The following CAPS2 variants were observed in gnomAD, a reference collection of about 807,000 sequenced individuals.
The protein encoded by CAPS2 is calcyphosin-2.
A neutral mutation model predicts 86.5 loss-of-function variants in CAPS2; 98 were observed. The observed-to-expected ratio is 1.13, with a 90% CI of 0.96 to 1.34. The LOEUF (loss-of-function observed/expected upper bound fraction) is 1.34. Ranked by LOEUF, CAPS2 falls within the 40% of genes most tolerant of loss-of-function variation. The pLI, the probability that CAPS2 is intolerant of heterozygous loss-of-function variation, is 0.00. For missense variants in CAPS2, 729 were observed against 686.8 expected (o/e 1.06, Z -0.69); for synonymous variants, 210 against 225.1 (o/e 0.93, Z 0.60).
Position 75,354,465 on chromosome 12 carries a change from C to T in CAPS2, c.-394-31243G>A, listed in dbSNP as rs2043019497. Among the ~76,000 whole-genome samples the T allele has an allele frequency of 2.0e-5, 3 of 152,070 alleles. No individual in the cohort carries two copies. In the South Asian group the frequency reaches 6.2e-4, roughly 32 times the overall value. On this transcript the variant is annotated intron_variant, in intron 1 of 5. Coordinates refer to the CAPS2 transcript ENST00000551829. ...CTTCAAGGAGAACTACAAACCACTG[C>T]TCAAGGAAATCAGAGAAGGCACAAA...
intron 1 of CAPS2, among the ~76,000 whole-genome samples, chr12:75,383,286 C>T (rs985469362): frequency 1.3e-5 from 2 of 152,060 alleles, no homozygotes; most frequent in Non-Finnish European, 2.9e-5. Flanking sequence ...CTACAGAAAC[C>T]AAATGAGATG....
chr12:75,316,590 C>A (rs2039788081), intron 5 of CAPS2, among the ~76,000 whole-genome samples, 156 bp from the exon 6 acceptor site: 1 of 152,124 alleles, frequency 6.6e-6, no homozygotes, highest in South Asian at 2.1e-4. Context: ...ATATTTGAAT[C>A]CAGCTCTTCC....
intron 7 of CAPS2, among the ~76,000 whole-genome samples, chr12:75,312,353 C>G (rs1271368088): frequency 6.6e-6 from 1 of 152,148 alleles, no homozygotes; most frequent in Non-Finnish European, 1.5e-5. Flanking sequence ...AGACAGCACA[C>G]TATACTCCTT....
At chr12:75,285,605 T>C (rs1178416134) in intron 14 of CAPS2, among the ~76,000 whole-genome samples, 2 of 151,984 alleles carry the variant, frequency 1.3e-5, no homozygotes, top group Non-Finnish European at 1.5e-5. Flanking sequence ...CCATTTTCCT[T>C]GTATACCACC....
intron 1 of CAPS2, among the ~76,000 whole-genome samples, chr12:75,367,836 T>C (rs77195671): frequency 2.6e-4 from 40 of 152,284 alleles, no homozygotes; most frequent in East Asian, 2.1e-3. Flanking sequence ...CAGTGCAATG[T>C]TGAGCATAAG....
intron 1 of CAPS2, among the ~76,000 whole-genome samples, chr12:75,354,063 T>A (rs555352187): frequency 6.6e-6 from 1 of 150,478 alleles, no homozygotes; most frequent in East Asian, 2.0e-4. Flanking sequence ...GCTGGATGCA[T>A]TCCCCTTGAA....
rs1004635271 is a variant in CAPS2 at position 75,278,808 on chromosome 12, T to C, written c.*82A>G. 32 of 1,352,412 alleles carry C rather than the reference T, an allele frequency of 2.4e-5. No homozygotes were observed. In the African/African-American group the frequency reaches 3.4e-4, roughly 15 times the overall value. 83.8% of individuals were successfully genotyped at this position (1,352,412 alleles called of 1,614,324 possible). On this transcript the variant is annotated 3_prime_UTR_variant, in exon 17 of 17. Coordinates refer to ENST00000393284, the Ensembl canonical transcript of CAPS2. ...ATAAAGGAAGTCCTAGGAAAATATATTCCAGTGTTTGATCATCCTTTACAT... is the reference window on the plus strand; with the variant it reads ...ATAAAGGAAGTCCTAGGAAAATATACTCCAGTGTTTGATCATCCTTTACAT...
At chr12:75,313,951 G>C (rs993721039) in intron 6 of CAPS2, among the ~76,000 whole-genome samples, 1 of 152,072 alleles carries the variant, frequency 6.6e-6, no homozygotes, top group African/African-American at 2.4e-5. Context: ...ACAGGCTCTT[G>C]CTATGTTGCC....
chr12:75,305,009 A>C lies in CAPS2; in HGVS notation c.660-133T>G, dbSNP rs1593394026. 8.6e-6 allele frequency: 5 copies of C among 581,158 alleles called. No homozygotes were observed. In the East Asian group the frequency reaches 1.8e-4, roughly 21 times the overall value. 36.0% of individuals were successfully genotyped at this position (581,158 alleles called of 1,614,324 possible). On this transcript the variant is annotated intron_variant, in intron 7 of 16. Coordinates refer to ENST00000393284, the Ensembl canonical transcript of CAPS2. The stretch of plus-strand genomic sequence containing the variant: ...CAACACTGTCAGAATATTTTTATTA[A>C]ATAAATTTATTAAAAAATATTTTCC...
At chr12:75,293,838 C>T (rs921358548) in intron 11 of CAPS2, among the ~76,000 whole-genome samples, 4 of 152,184 alleles carry the variant, frequency 2.6e-5, no homozygotes, top group East Asian at 3.8e-4. Flanking sequence ...CACAAAATTC[C>T]TATCAAAAAA....
intron 1 of CAPS2, among the ~76,000 whole-genome samples, chr12:75,348,919 C>T (rs1234176760): frequency 6.6e-6 from 1 of 152,144 alleles, no homozygotes. Context: ...CCCCCAGCTT[C>T]CTGTCTCAGT....
At chr12:75,336,257 A>G (rs2041731575) in intron 1 of CAPS2, among the ~76,000 whole-genome samples, 1 of 151,904 alleles carries the variant, frequency 6.6e-6, no homozygotes, top group Non-Finnish European at 1.5e-5. Context: ...AAAGTCCTTG[A>G]TTAATTTTTG....
chr12:75,384,184 A>G (rs778965532), intron 1 of CAPS2, among the ~76,000 whole-genome samples: 31 of 152,314 alleles, frequency 2.0e-4, no homozygotes, highest in Non-Finnish European at 3.7e-4. Flanking sequence ...AATAAAATTG[A>G]AAACAAAATT....
chr12:75,362,336 A>G (rs1254696175), intron 1 of CAPS2, among the ~76,000 whole-genome samples: 2 of 152,320 alleles, frequency 1.3e-5, no homozygotes, highest in Non-Finnish European at 2.9e-5. Flanking sequence ...TAGAATGGCT[A>G]GAGAGTGACC....
intron 1 of CAPS2, among the ~76,000 whole-genome samples, chr12:75,348,381 G>A (rs1038178817): frequency 3.3e-5 from 5 of 152,174 alleles, no homozygotes; most frequent in African/African-American, 1.2e-4. Context: ...AAGTACTAGA[G>A]AGAGGCAGAA....
At chr12:75,371,998 T>C (rs1016422948) in intron 1 of CAPS2, among the ~76,000 whole-genome samples, 1 of 152,130 alleles carries the variant, frequency 6.6e-6, no homozygotes, top group Non-Finnish European at 1.5e-5. Flanking sequence ...AGTAGGTTGA[T>C]TTCATCTTTT....
At position 75,322,942 on chromosome 12, in the gene CAPS2, T is replaced by A. The variant is rs1010903499; in HGVS notation, c.291+32A>T. The A allele has an allele frequency of 4.2e-6, 5 of 1,187,680 alleles. No homozygotes were observed. The African/African-American group carries it at 7.6e-5, about 18-fold the overall frequency. 73.6% of individuals were successfully genotyped at this position (1,187,680 alleles called of 1,614,324 possible). ...ACATAATAAATATTTTAGAATAAAA[T>A]TCTGAAAATTGATAAGCAAATAAAT... On this transcript the variant is annotated intron_variant, in intron 4 of 16. Coordinates refer to ENST00000393284, the Ensembl canonical transcript of CAPS2.
At chr12:75,285,625 A>ATG (rs2034742389) in intron 14 of CAPS2, among the ~76,000 whole-genome samples, 1 of 151,816 alleles carries the variant, frequency 6.6e-6, no homozygotes, top group Non-Finnish European at 1.5e-5. Context: ...CCCTCTCCCC[A>ATG]TGCTCTGGTA....
rs35309353 is a variant in CAPS2, at chr12:75,379,853, TAAAAAAAAA to T, written c.-395+10976_-395+10984del. ...TATTATTATGATGCATCCCTATCAG[TAAAAAAAAA>T]AAAAAAAAAAAAAAATTGTAGAGTG... On this transcript the variant is annotated intron_variant, in intron 1 of 5. Transcript: ENST00000551829. Among the ~76,000 whole-genome samples, 27 of 111,922 alleles carry T rather than the reference TAAAAAAAAA, an allele frequency of 2.4e-4. No homozygotes were observed. The South Asian group carries it at 3.6e-3, about 15-fold the overall frequency. 73.4% of individuals were successfully genotyped at this position (111,922 alleles called of 152,430 possible). A position where few individuals can be genotyped will look rare whatever the true frequency, so the allele number is the denominator to read the frequency against.
Sources: allele counts gnomAD v4.1 joint callset (sites outside exome capture counted in the v4.1 genomes callset), GRCh38; gene constraint gnomAD v4.1.1; transcripts MANE v1.5; gene names NCBI Gene and HGNC (gene_info 2026-07-23, HGNC 2026-07-21).